CNTLN: variants seen among roughly 807,000 people sequenced by gnomAD.
CNTLN encodes the protein centlein, centrosomal protein.
In CNTLN, 212 loss-of-function variants were observed where a neutral mutation model predicts 180.0. That is an observed-to-expected ratio of 1.18 (90% CI 1.05 to 1.32). The LOEUF (loss-of-function observed/expected upper bound fraction) is 1.32. Ranked by LOEUF, CNTLN falls within the 40% of genes most tolerant of loss-of-function variation. The pLI, the probability that CNTLN is intolerant of heterozygous loss-of-function variation, is 0.00. For synonymous variants in CNTLN, 722 were observed against 563.1 expected (o/e 1.28, Z -3.99); for missense variants, 2,095 against 1,610.9 (o/e 1.30, Z -5.14).
intron 12 of CNTLN, among the ~76,000 whole-genome samples, chr9:17,363,612 T>G (rs1381943356): frequency 1.3e-5 from 2 of 152,010 alleles, no homozygotes; most frequent in Non-Finnish European, 2.9e-5. Context: ...TGACAAAGTC[T>G]AAAGTTCATC....
chr9:17,224,423 C>T (rs150525750), intron 2 of CNTLN, among the ~76,000 whole-genome samples: 3 of 152,066 alleles, frequency 2.0e-5, no homozygotes, highest in Admixed American at 6.6e-5. Context: ...TAAAATATTC[C>T]CAGCAGTTAC....
intron 13 of CNTLN, among the ~76,000 whole-genome samples, chr9:17,381,077 G>A (rs1321846366): frequency 6.6e-6 from 1 of 152,188 alleles, no homozygotes; most frequent in Non-Finnish European, 1.5e-5. Context: ...AGTTTCTATG[G>A]AGGATTGGGG....
intron 1 of CNTLN, among the ~76,000 whole-genome samples, chr9:17,138,469 G>C (rs1319298645): frequency 6.6e-6 from 1 of 152,156 alleles, no homozygotes; most frequent in Non-Finnish European, 1.5e-5. Flanking sequence ...AATTGTATGT[G>C]ATCAGAGAAG....
chr9:17,236,645 GT>G, intron 5 of CNTLN, 57 bp downstream of exon 5: 1 of 1,359,808 alleles, frequency 7.4e-7, no homozygotes, highest in Non-Finnish European at 1.0e-6. Context: ...TTTCTAGGAA[GT>G]TTAATACATG....
intron 23 of CNTLN, among the ~76,000 whole-genome samples, chr9:17,471,263 G>T (rs1832030500): frequency 6.6e-6 from 1 of 151,848 alleles, no homozygotes; most frequent in East Asian, 1.9e-4. Context: ...ACTGAAAAAA[G>T]TCCAAGCAAT....
At chr9:17,513,543 A>G in the CNTLN span, among the ~76,000 whole-genome samples, 49 of 152,234 alleles carry the variant, frequency 3.2e-4, 2 homozygotes, top group South Asian at 9.7e-3. Flanking sequence ...AAAAAATACA[A>G]AAAACTAGCC....
intron 10 of CNTLN, among the ~76,000 whole-genome samples, chr9:17,335,367 A>G (rs952958811): frequency 1.3e-5 from 2 of 152,146 alleles, no homozygotes; most frequent in Non-Finnish European, 2.9e-5. Context: ...AAATACAAAA[A>G]TTAGCTGGGT....
At chr9:17,463,469 C>A (rs1486099545) in intron 20 of CNTLN, among the ~76,000 whole-genome samples, 1 of 151,518 alleles carries the variant, frequency 6.6e-6, no homozygotes, top group Non-Finnish European at 1.5e-5. Context: ...ATTTTAAATG[C>A]TCTATCCCAC....
intron 5 of CNTLN, among the ~76,000 whole-genome samples, chr9:17,269,604 GT>G (rs1827786305): frequency 6.6e-6 from 1 of 151,814 alleles, no homozygotes; most frequent in Admixed American, 6.6e-5. Context: ...TTGATTTCTG[GT>G]TTTATTACAT....
intron 8 of CNTLN, among the ~76,000 whole-genome samples, chr9:17,324,163 T>A (rs1005755628): frequency 3.9e-5 from 6 of 152,172 alleles, no homozygotes; most frequent in African/African-American, 1.4e-4. Context: ...GACATAAGTG[T>A]TTATAAAACT....
At chr9:17,229,583 G>T (rs113538770) in intron 3 of CNTLN, among the ~76,000 whole-genome samples, 13 of 152,148 alleles carry the variant, frequency 8.5e-5, no homozygotes, top group African/African-American at 3.1e-4. Context: ...CTCCTCTGGG[G>T]ATCATAGTAT....
chr9:17,512,651 A>G, the CNTLN span, among the ~76,000 whole-genome samples: 1 of 152,214 alleles, frequency 6.6e-6, no homozygotes, highest in Non-Finnish European at 1.5e-5. Flanking sequence ...ATAATTAAGA[A>G]AAGAAGAGAG....
At chr9:17,318,184 C>A (rs974372443) in intron 8 of CNTLN, among the ~76,000 whole-genome samples, 4 of 151,816 alleles carry the variant, frequency 2.6e-5, no homozygotes, top group Non-Finnish European at 5.9e-5. Context: ...CCCACCACCA[C>A]GCCCGGCTAA....
chr9:17,308,571 T>C (rs1818903430), intron 7 of CNTLN, among the ~76,000 whole-genome samples: 1 of 152,096 alleles, frequency 6.6e-6, no homozygotes, highest in African/African-American at 2.4e-5. Context: ...CCGATTAAAC[T>C]GATATACCTT....
chr9:17,507,410 T>G (rs968184172), downstream of CNTLN, among the ~76,000 whole-genome samples: 3 of 152,184 alleles, frequency 2.0e-5, no homozygotes, highest in Non-Finnish European at 2.9e-5. Flanking sequence ...GCACTTGGGT[T>G]GATTCCATAT....
At chr9:17,309,332 T>A (rs182007722) in intron 8 of CNTLN, 80 bp downstream of exon 8, 2 of 1,152,100 alleles carry the variant, frequency 1.7e-6, no homozygotes, top group East Asian at 2.4e-5. Context: ...AACATAAAAA[T>A]TTAAATATAT....
At chr9:17,385,796 A>T (rs1241770304) in intron 13 of CNTLN, among the ~76,000 whole-genome samples, 1 of 152,200 alleles carries the variant, frequency 6.6e-6, no homozygotes, top group Non-Finnish European at 1.5e-5. Flanking sequence ...GATTATTTAA[A>T]CTATACAGGA....
At chr9:17,327,435 C>T (rs560179672) in intron 8 of CNTLN, among the ~76,000 whole-genome samples, 1 of 150,522 alleles carries the variant, frequency 6.6e-6, no homozygotes, top group South Asian at 2.1e-4. Context: ...CCGCTCTTCT[C>T]GGCCTCCCGA....
chr9:17,185,979 G>A (rs907627704), intron 2 of CNTLN, among the ~76,000 whole-genome samples: 1 of 151,996 alleles, frequency 6.6e-6, no homozygotes, highest in South Asian at 2.1e-4. Context: ...TTTTTGTAGA[G>A]GCAGGTCTCA....
Sources: gnomAD v4.1 joint callset for allele counts (sites outside exome capture counted in the v4.1 genomes callset) on GRCh38, gnomAD v4.1.1 for gene constraint, MANE v1.5 for transcripts, NCBI Gene and HGNC (gene_info 2026-07-23, HGNC 2026-07-21) for gene names.